Variants in ABTB2 observed in about 807,000 individuals in gnomAD.
The protein encoded by ABTB2 is ankyrin repeat and BTB/POZ domain-containing protein 2.
ABTB2 carries 56 observed loss-of-function variants against 104.1 expected under a neutral mutation model. The observed-to-expected ratio is 0.54, with a 90% CI of 0.43 to 0.67. The LOEUF (loss-of-function observed/expected upper bound fraction) is 0.67, where lower values mean the gene tolerates loss of function less well. Ranked by LOEUF, ABTB2 falls within the 30% of genes least tolerant of loss-of-function variation. The pLI is 0.00. For synonymous variants in ABTB2, 606 were observed against 608.2 expected, an observed-to-expected ratio of 1.00 and a Z score of 0.05; for missense variants, 1,279 against 1,407.7, an observed-to-expected ratio of 0.91 and a Z score of 1.46.
chr11:34,332,901 G>A (rs142400765), intron 1 of ABTB2, among the ~76,000 whole-genome samples: 28 of 152,264 alleles, frequency 1.8e-4, no homozygotes, highest in Middle Eastern at 3.4e-3. Context: ...GAAGGAAATG[G>A]AGGGCACAGG....
Position 34,356,594 on chromosome 11 carries a change from A to C in ABTB2, c.883+107T>G. On this transcript the variant is annotated intron_variant, in intron 1 of 16. Transcript: ENST00000435224. This position sits in a 1 kb window ranked among gnomAD's most constrained non-coding sequence, Gnocchi z 4.6. The stretch of plus-strand genomic sequence containing the variant: ...CCTCAGACCAAACGTTTTCTCCCAA[A>C]GAACTGGCACAGCCACCAGCTTTGT... 1 of 1,392,524 alleles carries C rather than the reference A, an allele frequency of 7.2e-7. No individual in the cohort carries two copies. Among genetic ancestry groups the C allele is most frequent in the Non-Finnish European group, 9.6e-7 (1 of 1,046,128 alleles). The allele number at this position is 1,392,524 out of a possible 1,614,324, so 86.3% of individuals were successfully genotyped here.
Position 34,335,266 on chromosome 11 carries a change from A to G in ABTB2, c.883+21435T>C, listed in dbSNP as rs574432159. ...AGAATCCTAAATGTCGGTAGCATTC[A>G]TCAGTTTCAAAAAGATTGTTGTTTG... On this transcript the variant is annotated intron_variant, in intron 1 of 16. Coordinates refer to ENST00000435224, the MANE Select transcript of ABTB2 (RefSeq NM_145804.3). 44 of 1,299,970 alleles carry G rather than the reference A, an allele frequency of 3.4e-5. No homozygotes were observed. The East Asian group carries it at 5.9e-4, about 17-fold the overall frequency. The allele number at this position is 1,299,970 out of a possible 1,614,324, so 80.5% of individuals were successfully genotyped here.
At position 34,154,636 on chromosome 11, in the gene ABTB2, G is replaced by T. The variant is rs1490222600; in HGVS notation, c.2766+65C>A. 3 of 1,522,392 alleles carry T rather than the reference G, an allele frequency of 2.0e-6. No individual in the cohort carries two copies. Among genetic ancestry groups the T allele is most frequent in the African/African-American group, 2.7e-5 (2 of 72,850 alleles). The allele number at this position is 1,522,392 out of a possible 1,614,324, so 94.3% of individuals were successfully genotyped here. A position where few individuals can be genotyped will look rare whatever the true frequency, so the allele number is the denominator to read the frequency against. On this transcript the variant is annotated intron_variant, in intron 15 of 16. Coordinates refer to ENST00000435224, the MANE Select transcript of ABTB2 (RefSeq NM_145804.3). The surrounding 1 kb of genome is among the most constrained non-coding windows in gnomAD (Gnocchi z 4.9). ...AAGAGCCACCTTCCCTCTGAAGGGG[G>T]TGAATGGGAGACCGAGCCGCTGGGC...
chr11:34,343,458 G>C (rs112651625), intron 1 of ABTB2, among the ~76,000 whole-genome samples: 136 of 120,924 alleles, frequency 1.1e-3, no homozygotes, highest in African/African-American at 3.1e-3. Flanking sequence ...CAGACAGACA[G>C]ACACACACAC....
At chr11:34,238,855 G>A (rs1045314364) in intron 1 of ABTB2, among the ~76,000 whole-genome samples, 1 of 152,180 alleles carries the variant, frequency 6.6e-6, no homozygotes, top group African/African-American at 2.4e-5. Flanking sequence ...CCGGGTTCAT[G>A]CCATTCTCCT....
At chr11:34,315,569 C>G (rs1854916447) in intron 1 of ABTB2, among the ~76,000 whole-genome samples, 1 of 152,136 alleles carries the variant, frequency 6.6e-6, no homozygotes, top group South Asian at 2.1e-4. Flanking sequence ...GGTTCCCATT[C>G]TCCTCTCCTG....
Position 34,151,477 on chromosome 11 carries a change from A to T in ABTB2, c.*910T>A, listed in dbSNP as rs1407323214. 1 of 152,172 alleles carries T rather than the reference A, an allele frequency of 6.6e-6. No homozygotes were observed. Among genetic ancestry groups the T allele is most frequent in the African/African-American group, 2.4e-5 (1 of 41,428 alleles). The allele number at this position is 152,172 out of a possible 1,614,324, so 9.4% of individuals were successfully genotyped here. On this transcript the variant is annotated 3_prime_UTR_variant, in exon 17 of 17. Transcript: ENST00000435224. ...ACCTGTTTGCCCAGCTCTCAATCCT[A>T]CATTAAAGGAGCCGAGAGACTTGAC...
intron 3 of ABTB2, among the ~76,000 whole-genome samples, chr11:34,183,497 C>T (rs914950128): frequency 3.3e-5 from 5 of 152,334 alleles, no homozygotes; most frequent in South Asian, 2.1e-4. Flanking sequence ...ATATGGTCAC[C>T]GTACTGCCCT....
chr11:34,238,886 T>G (rs1431534879), intron 1 of ABTB2, among the ~76,000 whole-genome samples: 1 of 152,184 alleles, frequency 6.6e-6, no homozygotes, highest in Non-Finnish European at 1.5e-5. Context: ...CCTGAGTAGC[T>G]GGGACTACAG....
At chr11:34,224,331 A>T (rs1853660951) in intron 1 of ABTB2, among the ~76,000 whole-genome samples, 1 of 152,022 alleles carries the variant, frequency 6.6e-6, no homozygotes, top group African/African-American at 2.4e-5. Flanking sequence ...TTTCATAGCA[A>T]TGGGGTCTTG....
intron 1 of ABTB2, among the ~76,000 whole-genome samples, chr11:34,306,982 TAAAAA>T (rs61161318): frequency 5.1e-4 from 48 of 94,538 alleles, no homozygotes; most frequent in Middle Eastern, 0.013. Flanking sequence ...TCAGGAAACT[TAAAAA>T]AAAAAAAAAA....
intron 1 of ABTB2, among the ~76,000 whole-genome samples, chr11:34,258,605 C>CTTT (rs35853565): frequency 0.013 from 1,191 of 94,922 alleles, 28 homozygotes; most frequent in African/African-American, 0.034. Context: ...AGTGCCTGCT[C>CTTT]TTTTTTTTTT....
At chr11:34,204,071 G>A (rs992014510) in intron 2 of ABTB2, among the ~76,000 whole-genome samples, 3 of 152,198 alleles carry the variant, frequency 2.0e-5, no homozygotes, top group Non-Finnish European at 4.4e-5. Flanking sequence ...ATGCCACCTG[G>A]CCACACCTGC....
chr11:34,235,045 T>A (rs1283614419), intron 1 of ABTB2, among the ~76,000 whole-genome samples: 1 of 152,010 alleles, frequency 6.6e-6, no homozygotes, highest in African/African-American at 2.4e-5. Context: ...GTATTTTTAG[T>A]AGAGATGGGG....
intron 1 of ABTB2, among the ~76,000 whole-genome samples, chr11:34,322,574 CAAAT>C (rs904177047): frequency 2.0e-5 from 3 of 150,988 alleles, no homozygotes; most frequent in South Asian, 2.1e-4. Flanking sequence ...GACTCCATCT[CAAAT>C]AAATAAATAA....
Position 34,232,511 on chromosome 11 carries a change from C to T in ABTB2, c.884-27821G>A, listed in dbSNP as rs1231872678. On this transcript the variant is annotated intron_variant, in intron 1 of 16. Coordinates refer to ENST00000435224, the MANE Select transcript of ABTB2 (RefSeq NM_145804.3). Reference sequence around the variant, plus strand: ...TTAAATCCTAGAGAAAAGGAATATCCCAGAAGCACCATCACGAGGCCTAAC... The same window carrying T: ...TTAAATCCTAGAGAAAAGGAATATCTCAGAAGCACCATCACGAGGCCTAAC... 3.3e-5 allele frequency among the ~76,000 whole-genome samples: 5 copies of T among 150,686 alleles called. 1 individual carries two copies. The highest frequency in any genetic ancestry group is 7.4e-5 in the Non-Finnish European group (5 of 67,714).
intron 1 of ABTB2, among the ~76,000 whole-genome samples, chr11:34,205,378 T>TCC (rs966363439): frequency 1.7e-4 from 26 of 152,202 alleles, no homozygotes; most frequent in Non-Finnish European, 3.4e-4. Flanking sequence ...TCAGAATCAA[T>TCC]CCCAGAGGGT....
At chr11:34,292,556 G>T (rs1854575051) in intron 1 of ABTB2, among the ~76,000 whole-genome samples, 1 of 152,130 alleles carries the variant, frequency 6.6e-6, no homozygotes, top group Admixed American at 6.5e-5. Context: ...CTTCTTATGT[G>T]GCAAGGTACT....
intron 1 of ABTB2, among the ~76,000 whole-genome samples, chr11:34,270,294 G>T (rs1196876502): frequency 2.0e-5 from 3 of 151,326 alleles, no homozygotes; most frequent in Admixed American, 2.0e-4. Flanking sequence ...CATAGCCCAC[G>T]TATCTTTGAA....
Sources: gnomAD v4.1 joint callset for allele counts (sites outside exome capture counted in the v4.1 genomes callset) on GRCh38, gnomAD v4.1.1 for gene constraint, Gnocchi (gnomAD v3.1) non-coding constraint, MANE v1.5 for transcripts, NCBI Gene and HGNC (gene_info 2026-07-23, HGNC 2026-07-21) for gene names.